The following SPACA7 variants were observed in gnomAD, a reference collection of about 807,000 sequenced individuals.
The protein encoded by SPACA7 is sperm acrosome associated 7, also known as sperm acrosome-associated protein 7.
A neutral mutation model predicts 26.3 loss-of-function variants in SPACA7; 19 were observed. The ratio of observed to expected loss-of-function variants is 0.72; its 90% CI spans 0.50 to 1.06. SPACA7 has a LOEUF of 1.06. Ranked by LOEUF, SPACA7 falls within the 50% of genes least tolerant of loss-of-function variation. SPACA7 has a pLI of 0.00. For missense variants in SPACA7, 211 were observed against 229.9 expected (o/e 0.92, Z 0.53); for synonymous variants, 84 against 84.5 (o/e 0.99, Z 0.04).
intron 5 of SPACA7, among the ~76,000 whole-genome samples, chr13:112,416,627 T>C (rs533183487): frequency 1.3e-5 from 2 of 152,316 alleles, no homozygotes; most frequent in South Asian, 4.1e-4. Flanking sequence ...GAACTATCAA[T>C]CATTGCCTAA....
intron 4 of SPACA7, among the ~76,000 whole-genome samples, chr13:112,400,833 T>G (rs1885591615): frequency 6.6e-6 from 1 of 152,234 alleles, no homozygotes; most frequent in South Asian, 2.1e-4. Context: ...GGGTCAATTC[T>G]TAGCATTGGG....
intron 5 of SPACA7, among the ~76,000 whole-genome samples, chr13:112,401,658 G>C (rs1885651341): frequency 6.6e-6 from 1 of 152,150 alleles, no homozygotes; most frequent in Non-Finnish European, 1.5e-5. Context: ...TTCTGAGTTA[G>C]AAAGTCTTTC....
intron 1 of SPACA7, among the ~76,000 whole-genome samples, chr13:112,380,399 C>T (rs1021877952): frequency 3.4e-4 from 33 of 97,086 alleles, no homozygotes; most frequent in Non-Finnish European, 4.8e-4. Context: ...GAGCAAAACT[C>T]AGTCTCAAAA....
At chr13:112,412,634 T>C (rs1886422251) in intron 5 of SPACA7, among the ~76,000 whole-genome samples, 1 of 152,070 alleles carries the variant, frequency 6.6e-6, no homozygotes, top group South Asian at 2.1e-4. Context: ...TTTTTGTATA[T>C]GGGTGAGAGA....
At chr13:112,433,969 C>T (rs1877471944) in intron 6 of SPACA7, among the ~76,000 whole-genome samples, 1 of 152,194 alleles carries the variant, frequency 6.6e-6, no homozygotes. Flanking sequence ...CACAAATTCT[C>T]CTATAACTCT....
At chr13:112,426,919 T>G (rs531454710) in intron 5 of SPACA7, among the ~76,000 whole-genome samples, 2 of 152,188 alleles carry the variant, frequency 1.3e-5, no homozygotes, top group African/African-American at 4.8e-5. Flanking sequence ...CAGTGCAATG[T>G]TGAATGTTGA....
chr13:112,429,344 C>G (rs1876842987), intron 5 of SPACA7, among the ~76,000 whole-genome samples: 1 of 151,354 alleles, frequency 6.6e-6, no homozygotes, highest in African/African-American at 2.4e-5. Context: ...CCACTGCACT[C>G]CAGCCTGGGT....
chr13:112,429,496 C>A (rs1446765806), intron 5 of SPACA7, among the ~76,000 whole-genome samples: 1 of 151,888 alleles, frequency 6.6e-6, no homozygotes. Flanking sequence ...ATTAGCATGT[C>A]TTATCTTTGT....
Position 112,383,106 on chromosome 13 carries a change from A to AAG in SPACA7, c.94+6628_94+6629insGA, listed in dbSNP as rs1884222281. Among the ~76,000 whole-genome samples the AAG allele has an allele frequency of 2.2e-4, 5 of 22,898 alleles. 1 individual carries two copies. The highest frequency in any genetic ancestry group is 4.2e-4 in the Non-Finnish European group (3 of 7,134). 15.0% of individuals were successfully genotyped at this position (22,898 alleles called of 152,430 possible). A position where few individuals can be genotyped will look rare whatever the true frequency, so the allele number is the denominator to read the frequency against. On this transcript the variant is annotated intron_variant, in intron 1 of 6. Transcript: ENST00000283550. ...AAAAAGAAAGAAAGAAAGAAGAAAG[A>AAG]AAAGAAAAGAAAAGAAAAGAAAGAA...
rs1484723714 is a variant in SPACA7 at position 112,396,099 on chromosome 13, C to G, written c.152-1950C>G. Among the ~76,000 whole-genome samples, 2 of 136,748 alleles carry G rather than the reference C, an allele frequency of 1.5e-5. 1 individual carries two copies. Among genetic ancestry groups the G allele is most frequent in the Non-Finnish European group, 3.4e-5 (2 of 58,614 alleles). The allele number at this position is 136,748 out of a possible 152,430, so 89.7% of individuals were successfully genotyped here. ...CCTCACAGCTGGGCCACCATCCACC[C>G]GCCTCAGGGAATCCCAGGGTGTCTG... On this transcript the variant is annotated intron_variant, in intron 2 of 6. Transcript: ENST00000283550.
At chr13:112,392,161 C>T (rs958351018) in intron 1 of SPACA7, among the ~76,000 whole-genome samples, 23 of 152,156 alleles carry the variant, frequency 1.5e-4, no homozygotes, top group Admixed American at 7.2e-4. Flanking sequence ...AGCAATGCCC[C>T]AGGACGCTGA....
chr13:112,389,707 A>G (rs1884751520), intron 1 of SPACA7, among the ~76,000 whole-genome samples: 1 of 152,210 alleles, frequency 6.6e-6, no homozygotes, highest in African/African-American at 2.4e-5. Flanking sequence ...ACACATGAAA[A>G]CAGTGATTGT....
chr13:112,426,700 A>G (rs1245789620), intron 5 of SPACA7, among the ~76,000 whole-genome samples: 1 of 152,234 alleles, frequency 6.6e-6, no homozygotes, highest in East Asian at 1.9e-4. Context: ...ATTCATTTTT[A>G]GTATACATAG....
At chr13:112,388,911 G>T (rs1341503196) in intron 1 of SPACA7, among the ~76,000 whole-genome samples, 3 of 152,110 alleles carry the variant, frequency 2.0e-5, no homozygotes, top group Non-Finnish European at 4.4e-5. Context: ...GTTCCTGGGT[G>T]GGGGCCACAA....
intron 5 of SPACA7, among the ~76,000 whole-genome samples, chr13:112,406,331 A>G (rs1885984754): frequency 6.6e-6 from 1 of 152,160 alleles, no homozygotes; most frequent in Non-Finnish European, 1.5e-5. Context: ...GCCTCATATA[A>G]GTGGAATCAC....
rs568063856 is a variant in SPACA7, at chr13:112,384,436, C to T, written c.94+7957C>T. Among the ~76,000 whole-genome samples the T allele has an allele frequency of 2.0e-5, 3 of 152,086 alleles. No individual in the cohort carries two copies. In the East Asian group the frequency reaches 5.8e-4, roughly 29 times the overall value. On this transcript the variant is annotated intron_variant, in intron 1 of 6. Transcript: ENST00000283550. ...TTACACAAATATAGCCCAAAGAAAG[C>T]CAAACACCATTTTGTATTTGACAAT...
intron 1 of SPACA7, among the ~76,000 whole-genome samples, chr13:112,390,419 C>T (rs1257238882): frequency 2.0e-5 from 3 of 151,602 alleles, no homozygotes; most frequent in Non-Finnish European, 2.9e-5. Context: ...GAGCTCCATT[C>T]CTTTTCATGG....
intron 5 of SPACA7, among the ~76,000 whole-genome samples, chr13:112,427,347 T>A (rs761813625): frequency 2.0e-5 from 3 of 152,222 alleles, no homozygotes; most frequent in Non-Finnish European, 2.9e-5. Flanking sequence ...CTGCATCTGT[T>A]GGGATGGTCA....
chr13:112,382,561 C>T, intron 1 of SPACA7: 1 of 1,536,426 alleles, frequency 6.5e-7, no homozygotes. Flanking sequence ...GCAGGCCTGG[C>T]TGGGCTTCCA....
Sources: gnomAD v4.1 joint callset for allele counts (sites outside exome capture counted in the v4.1 genomes callset) on GRCh38, gnomAD v4.1.1 for gene constraint, MANE v1.5 for transcripts, NCBI Gene and HGNC (gene_info 2026-07-23, HGNC 2026-07-21) for gene names.